Variants in UNC5C observed in about 807,000 individuals in gnomAD.
The protein encoded by UNC5C is unc-5 netrin receptor C, also known as netrin receptor UNC5C.
In UNC5C, 47 loss-of-function variants were observed where a neutral mutation model predicts 99.8. That is an observed-to-expected ratio of 0.47 (90% CI 0.37 to 0.60). The LOEUF (loss-of-function observed/expected upper bound fraction) is 0.60, where lower values mean the gene tolerates loss of function less well. UNC5C is among the 20% of genes least tolerant of loss of function. The pLI, the probability that UNC5C is intolerant of heterozygous loss-of-function variation, is 0.00. For missense variants in UNC5C, 1,062 were observed against 1,165.9 expected, an observed-to-expected ratio of 0.91 and a Z score of 1.30; for synonymous variants, 487 against 452.2, an observed-to-expected ratio of 1.08 and a Z score of -0.98.
At chr4:95,202,393 T>C (rs912220249) in intron 12 of UNC5C, among the ~76,000 whole-genome samples, 1 of 152,218 alleles carries the variant, frequency 6.6e-6, no homozygotes, top group Non-Finnish European at 1.5e-5. Context: ...TGAGCAATTA[T>C]GCCAATTCCT....
chr4:95,381,168 A>G (rs1274516872), intron 1 of UNC5C, among the ~76,000 whole-genome samples: 1 of 152,182 alleles, frequency 6.6e-6, no homozygotes, highest in Admixed American at 6.5e-5. Flanking sequence ...CAAGAAAAAA[A>G]TTTCTTATAG....
intron 1 of UNC5C, among the ~76,000 whole-genome samples, chr4:95,445,793 T>G (rs1296118548): frequency 6.6e-6 from 1 of 151,252 alleles, no homozygotes; most frequent in African/African-American, 2.4e-5. Context: ...GACACATTTT[T>G]GAAGAGGTGG....
chr4:95,439,803 T>C (rs1443062369), intron 1 of UNC5C, among the ~76,000 whole-genome samples: 1 of 152,138 alleles, frequency 6.6e-6, no homozygotes, highest in African/African-American at 2.4e-5. Flanking sequence ...TAAACCCATA[T>C]GTCAGGGCGT....
rs1387490549 is a variant in UNC5C, at chr4:95,180,276, A to G, written c.2451+2621T>C. 2.0e-5 allele frequency among the ~76,000 whole-genome samples: 3 copies of G among 152,224 alleles called. No individual in the cohort carries two copies. The East Asian group carries it at 5.8e-4, about 29-fold the overall frequency. ...TCTCCATGGAACAGCCTACTTGGGA[A>G]TTTCCCATGATGGATGTCTGCCTGT... On this transcript the variant is annotated intron_variant, in intron 14 of 15. Transcript: ENST00000453304.
chr4:95,419,310 T>C (rs1324637712), intron 1 of UNC5C, among the ~76,000 whole-genome samples: 2 of 152,146 alleles, frequency 1.3e-5, no homozygotes, highest in Non-Finnish European at 2.9e-5. Context: ...ATGTTTAAAA[T>C]AGATAAAAAC....
At chr4:95,407,171 C>T (rs1449395197) in intron 1 of UNC5C, among the ~76,000 whole-genome samples, 1 of 152,000 alleles carries the variant, frequency 6.6e-6, no homozygotes, top group African/African-American at 2.4e-5. Context: ...TTATTAAAAG[C>T]TAAAGTTTTA....
rs371292721 is a variant in UNC5C at position 95,424,469 on chromosome 4, A to C, written c.125-88838T>G. Among the ~76,000 whole-genome samples the C allele has an allele frequency of 2.1e-4, 31 of 149,766 alleles. No homozygotes were observed. The South Asian group carries it at 5.1e-3, about 25-fold the overall frequency. On this transcript the variant is annotated intron_variant, in intron 1 of 15. Transcript: ENST00000453304. ...ATTGTAAGTACGGTTAAGTTTTTAC[A>C]AATGATATTTTTCTATGTAACAGGG...
intron 1 of UNC5C, among the ~76,000 whole-genome samples, chr4:95,420,705 AG>A (rs1301187898): frequency 1.3e-5 from 2 of 152,166 alleles, no homozygotes; most frequent in African/African-American, 4.8e-5. Flanking sequence ...TATCTTTCAC[AG>A]GGGGCATCTG....
chr4:95,245,109 C>A lies in UNC5C; in HGVS notation c.811G>T (p.Val271Leu). The change falls in exon 6 of 16, where the codon GTG (valine) becomes TTG (leucine). Residue 271 changes from valine to leucine, a missense_variant. Around this residue, in one of 3 missense-constraint regions of UNC5C, gnomAD observed 810 missense variants for 854.5 expected, o/e 0.95. Coordinates refer to ENST00000453304, the MANE Select transcript of UNC5C (RefSeq NM_003728.4). ...CCTCGTCCACAGCGGCTGTTACACA[C>A]AGACCACTCCGTCCAGGTGGACCAG... ...GGWSTWTEWSVCNSRCGRGYQ... is the reference protein window; with the variant it reads ...GGWSTWTEWSLCNSRCGRGYQ... 6.2e-7 allele frequency: 1 copy of A among 1,613,816 alleles called. No individual in the cohort carries two copies. The highest frequency in any genetic ancestry group is 8.5e-7 in the Non-Finnish European group (1 of 1,179,934).
chr4:95,353,411 T>C lies in UNC5C; in HGVS notation c.125-17780A>G, dbSNP rs539670987. ...TATCTATCTATATCAAAAATATGCA[T>C]GCATTATATATTTCATAATATTATA... On this transcript the variant is annotated intron_variant, in intron 1 of 15. Coordinates refer to ENST00000453304, the MANE Select transcript of UNC5C (RefSeq NM_003728.4). Among the ~76,000 whole-genome samples, 2 of 152,074 alleles carry C rather than the reference T, an allele frequency of 1.3e-5. 1 individual carries two copies. The highest frequency in any genetic ancestry group is 4.1e-4 in the South Asian group (2 of 4,822).
intron 14 of UNC5C, among the ~76,000 whole-genome samples, chr4:95,170,740 C>CTGAGAT (rs1736064262): frequency 1.3e-5 from 2 of 152,290 alleles, no homozygotes; most frequent in South Asian, 4.1e-4. Flanking sequence ...ATGAATAGAT[C>CTGAGAT]TGAGATTCAA....
rs1736775665 is a variant in UNC5C, at chr4:95,185,054, T to G, written c.2279A>C (p.Lys760Thr). 6.2e-7 allele frequency: 1 copy of G among 1,611,416 alleles called. No individual in the cohort carries two copies. Among genetic ancestry groups the G allele is most frequent in the African/African-American group, 1.3e-5 (1 of 74,850 alleles). ...HSLWKSKLLA[K>T]YQEIPFYHVW... The stretch of plus-strand genomic sequence containing the variant: ...TCGGCTTGGGAACCTTACCTGATAT[T>G]TAGCCAGCAATTTGCTCTTCCAGAG... Residue 760 changes from lysine to threonine, a missense_variant, in exon 13 of 16, where the codon AAA becomes ACA. By Grantham distance (78) the Lys-to-Thr change is moderately conservative (BLOSUM62 -1). Coordinates refer to ENST00000453304, the MANE Select transcript of UNC5C (RefSeq NM_003728.4).
chr4:95,255,451 C>T (rs975676072), intron 4 of UNC5C, among the ~76,000 whole-genome samples: 2 of 152,102 alleles, frequency 1.3e-5, no homozygotes, highest in Admixed American at 6.5e-5. Context: ...CACTCCTCTC[C>T]ACTACCTCCC....
In UNC5C at chr4:95,548,942, C is replaced by T. The variant is rs1560502703; in HGVS notation, c.-85G>A. 4 of 1,532,800 alleles carry T rather than the reference C, an allele frequency of 2.6e-6. No homozygotes were observed. In the East Asian group the frequency reaches 9.1e-5, roughly 35 times the overall value. 94.9% of individuals were successfully genotyped at this position (1,532,800 alleles called of 1,614,324 possible). A position where few individuals can be genotyped will look rare whatever the true frequency, so the allele number is the denominator to read the frequency against. ...AAGCCCCACTGGGCAGAAGCTGAAT[C>T]CGTGCACCGCGAAGCAGTCCGAAGA... On this transcript the variant is annotated 5_prime_UTR_variant, in exon 1 of 16. Transcript: ENST00000453304.
chr4:95,495,269 T>G (rs1471626521), intron 1 of UNC5C, among the ~76,000 whole-genome samples: 1 of 151,550 alleles, frequency 6.6e-6, no homozygotes, highest in Non-Finnish European at 1.5e-5. Context: ...CAGCACTATA[T>G]TCCTTTTATC....
chr4:95,178,012 G>T (rs558216212), intron 14 of UNC5C, among the ~76,000 whole-genome samples: 4 of 152,202 alleles, frequency 2.6e-5, no homozygotes, highest in African/African-American at 9.6e-5. Flanking sequence ...CTGGCCCAGT[G>T]AGGGATCTTT....
At chr4:95,199,702 G>T (rs1229833332) in intron 12 of UNC5C, among the ~76,000 whole-genome samples, 2 of 152,156 alleles carry the variant, frequency 1.3e-5, no homozygotes, top group Non-Finnish European at 2.9e-5. Context: ...AACTATGTGT[G>T]TGAATATAAA....
At chr4:95,234,683 A>T (rs976157768) in intron 7 of UNC5C, among the ~76,000 whole-genome samples, 4 of 152,134 alleles carry the variant, frequency 2.6e-5, no homozygotes, top group Non-Finnish European at 5.9e-5. Flanking sequence ...AAATAACATC[A>T]ATTTTGTAAA....
chr4:95,496,332 T>C (rs1721630696), intron 1 of UNC5C, among the ~76,000 whole-genome samples: 1 of 151,824 alleles, frequency 6.6e-6, no homozygotes, highest in African/African-American at 2.4e-5. Flanking sequence ...GAAGACTATA[T>C]TAGTATCTGA....
Sources: gnomAD v4.1 joint callset for allele counts (sites outside exome capture counted in the v4.1 genomes callset) on GRCh38, gnomAD v4.1.1 for gene constraint, gnomAD v4.1.1 regional missense constraint, MANE v1.5 for transcripts, NCBI Gene and HGNC (gene_info 2026-07-23, HGNC 2026-07-21) for gene names.